NEGR1: variants seen among roughly 807,000 people sequenced by gnomAD.
NEGR1 encodes IgLON family member 4.
Under a neutral mutation model 40.9 loss-of-function variants are expected in NEGR1, and 10 were observed. The ratio of observed to expected loss-of-function variants is 0.24; its 90% CI spans 0.15 to 0.42. The LOEUF (loss-of-function observed/expected upper bound fraction) is 0.42. Ranked by LOEUF, NEGR1 falls within the 10% of genes least tolerant of loss-of-function variation. The pLI, the probability that NEGR1 is intolerant of heterozygous loss-of-function variation, is 1.00. For missense variants in NEGR1, 352 were observed against 438.9 expected, an observed-to-expected ratio of 0.80 and a Z score of 1.77; for synonymous variants, 185 against 166.8, an observed-to-expected ratio of 1.11 and a Z score of -0.84.
In NEGR1 at chr1:72,042,948, A is replaced by G. The variant is rs183749290; in HGVS notation, c.177-107637T>C. ...TGGGGCTAAAACTGTTTTGTGCTACACTCTACAGAGTTGCATGTTTTCAAA... is the reference window on the plus strand; with the variant it reads ...TGGGGCTAAAACTGTTTTGTGCTACGCTCTACAGAGTTGCATGTTTTCAAA... On this transcript the variant is annotated intron_variant, in intron 1 of 6. Coordinates refer to ENST00000357731, the MANE Select transcript of NEGR1 (RefSeq NM_173808.3). Among the ~76,000 whole-genome samples, 289 of 152,044 alleles carry G rather than the reference A, an allele frequency of 1.9e-3. 6 individuals are homozygous for G. The highest frequency in any genetic ancestry group is 0.017 in the Admixed American group (258 of 15,230).
intron 2 of NEGR1, among the ~76,000 whole-genome samples, chr1:71,867,596 A>G (rs1417904731): frequency 6.6e-6 from 1 of 152,216 alleles, no homozygotes; most frequent in Non-Finnish European, 1.5e-5. Context: ...TGATATGTCA[A>G]CTAAGACTGT....
intron 4 of NEGR1, among the ~76,000 whole-genome samples, chr1:71,664,635 A>C (rs905162578): frequency 3.3e-5 from 5 of 152,156 alleles, no homozygotes; most frequent in African/African-American, 1.2e-4. Flanking sequence ...TTTGGTTTGA[A>C]CAGAATTTAT....
chr1:71,662,757 A>G (rs1652109126), intron 4 of NEGR1, among the ~76,000 whole-genome samples: 1 of 151,794 alleles, frequency 6.6e-6, no homozygotes, highest in African/African-American at 2.4e-5. Flanking sequence ...AATTATATTG[A>G]TGTGAAACCC....
intron 1 of NEGR1, chr1:72,274,404 G>C (rs1250778414): frequency 4.4e-6 from 2 of 455,976 alleles, no homozygotes; most frequent in Non-Finnish European, 7.9e-6. Flanking sequence ...ATTCAATTTA[G>C]AATCTCCTGA....
intron 3 of NEGR1, among the ~76,000 whole-genome samples, chr1:71,752,976 A>G (rs1029812301): frequency 6.6e-6 from 1 of 152,130 alleles, no homozygotes; most frequent in African/African-American, 2.4e-5. Flanking sequence ...TGTAGCTAGT[A>G]ATTTATATTC....
chr1:71,489,577 A>C (rs1646911746), intron 6 of NEGR1: 1 of 151,960 alleles, frequency 6.6e-6, no homozygotes. Context: ...CTGTGTTAAT[A>C]ATAATCCACA....
intron 1 of NEGR1, among the ~76,000 whole-genome samples, chr1:72,152,270 A>T (rs1195187325): frequency 6.6e-6 from 1 of 151,940 alleles, no homozygotes; most frequent in Non-Finnish European, 1.5e-5. Context: ...TTCGTTAAAG[A>T]AGAAACCATA....
intron 6 of NEGR1, among the ~76,000 whole-genome samples, chr1:71,557,269 C>T (rs184792800): frequency 1.5e-4 from 23 of 151,664 alleles, no homozygotes; most frequent in East Asian, 7.8e-4. Context: ...GGCAGCAGAG[C>T]CTTGAATCCT....
At chr1:71,732,492 CTGTGTG>C (rs141925137) in intron 3 of NEGR1, among the ~76,000 whole-genome samples, 37 of 147,302 alleles carry the variant, frequency 2.5e-4, no homozygotes, top group East Asian at 1.1e-3. Context: ...TTACTGAATG[CTGTGTG>C]TGTGTGTGTG....
At chr1:71,967,370 A>C (rs1646218659) in intron 1 of NEGR1, among the ~76,000 whole-genome samples, 1 of 152,168 alleles carries the variant, frequency 6.6e-6, no homozygotes, top group Non-Finnish European at 1.5e-5. Flanking sequence ...CAAAGGCACC[A>C]ATCATTTTTC....
intron 1 of NEGR1, among the ~76,000 whole-genome samples, chr1:72,117,611 C>T (rs955826163): frequency 6.6e-6 from 1 of 151,746 alleles, no homozygotes; most frequent in Admixed American, 6.6e-5. Context: ...GACAACCTGT[C>T]CACTTACACA....
At chr1:72,029,359 C>G (rs539788486) in intron 1 of NEGR1, among the ~76,000 whole-genome samples, 165 of 151,972 alleles carry the variant, frequency 1.1e-3, no homozygotes, top group Non-Finnish European at 2.0e-3. Flanking sequence ...AGGGAAGAAA[C>G]AAAGACAACC....
intron 2 of NEGR1, among the ~76,000 whole-genome samples, chr1:71,795,644 T>C (rs1657297035): frequency 6.6e-6 from 1 of 152,154 alleles, no homozygotes; most frequent in African/African-American, 2.4e-5. Context: ...TGACCGTGTG[T>C]TTATAAAATG....
At chr1:71,807,700 T>C (rs482060) in intron 2 of NEGR1, among the ~76,000 whole-genome samples, 50,178 of 152,080 alleles carry the variant, frequency 0.33, 13,383 homozygotes, top group African/African-American at 0.74. Context: ...CATTTCAACC[T>C]AAAATTTGGA....
At position 71,704,417 on chromosome 1, in the gene NEGR1, A is replaced by G. The variant is rs571402880; in HGVS notation, c.536-6278T>C. On this transcript the variant is annotated intron_variant, in intron 3 of 6. Coordinates refer to ENST00000357731, the MANE Select transcript of NEGR1 (RefSeq NM_173808.3). ...TCTTAACCAGACTAATAAAGAACAA[A>G]AAGAGATGACACAAGTTACCAATTA... Among the ~76,000 whole-genome samples, 363 of 152,124 alleles carry G rather than the reference A, an allele frequency of 2.4e-3. 2 individuals carry two copies. The highest frequency in any genetic ancestry group is 4.0e-3 in the Non-Finnish European group (269 of 67,884).
At chr1:71,556,954 A>C (rs777482363) in intron 6 of NEGR1, among the ~76,000 whole-genome samples, 2 of 151,616 alleles carry the variant, frequency 1.3e-5, no homozygotes, top group Non-Finnish European at 3.0e-5. Context: ...TTTTGCGTGA[A>C]GTGAATAGGA....
At chr1:71,961,941 G>A (rs66538934) in intron 1 of NEGR1, among the ~76,000 whole-genome samples, 45,551 of 151,704 alleles carry the variant, frequency 0.3, 7,700 homozygotes, top group African/African-American at 0.47. Flanking sequence ...TAAATCTGAC[G>A]TTAGTTTTTG....
At chr1:71,730,551 T>C (rs1220116681) in intron 3 of NEGR1, among the ~76,000 whole-genome samples, 1 of 136,650 alleles carries the variant, frequency 7.3e-6, no homozygotes, top group Non-Finnish European at 1.6e-5. Flanking sequence ...AAATTATATG[T>C]GTATATATAG....
intron 6 of NEGR1, among the ~76,000 whole-genome samples, chr1:71,507,939 T>G (rs1176022204): frequency 6.6e-6 from 1 of 152,146 alleles, no homozygotes; most frequent in Non-Finnish European, 1.5e-5. Flanking sequence ...TCCTTAGGAT[T>G]AGGACAGCCA....
Sources: allele counts gnomAD v4.1 joint callset (sites outside exome capture counted in the v4.1 genomes callset), GRCh38; gene constraint gnomAD v4.1.1; transcripts MANE v1.5; gene names NCBI Gene and HGNC (gene_info 2026-07-23, HGNC 2026-07-21).